NECAB2: variants seen among roughly 807,000 people sequenced by gnomAD.
NECAB2 encodes the protein N-terminal EF-hand calcium binding protein 2.
A neutral mutation model predicts 51.9 loss-of-function variants in NECAB2; 68 were observed. The ratio of observed to expected loss-of-function variants is 1.31; its 90% CI spans 1.08 to 1.60. NECAB2 has a LOEUF of 1.60. NECAB2 is among the 40% of genes most tolerant of loss of function. The pLI, the probability that NECAB2 is intolerant of heterozygous loss-of-function variation, is 0.00. For synonymous variants in NECAB2, 329 were observed against 203.5 expected (o/e 1.62, Z -5.25); for missense variants, 854 against 490.3 (o/e 1.74, Z -7.00).
chr16:83,975,867 G>C (rs1241065468), intron 2 of NECAB2, among the ~76,000 whole-genome samples: 1 of 152,190 alleles, frequency 6.6e-6, no homozygotes, highest in South Asian at 2.1e-4. Flanking sequence ...GCGCGGGCCC[G>C]CTTGGCCTGT....
At chr16:83,994,085 C>T (rs1597219511) in intron 6 of NECAB2, among the ~76,000 whole-genome samples, 1 of 152,310 alleles carries the variant, frequency 6.6e-6, no homozygotes, top group East Asian at 1.9e-4. Context: ...GAGCTGAATT[C>T]GAATCCCAGC....
Position 83,998,327 on chromosome 16 carries a change from C to T in NECAB2, c.962+10C>T, listed in dbSNP as rs766408955. ...TGAGGAACTGCTTCCAGTGAGTGAGCTGCCGAGGCGTGGGTGGGATGGTGG... is the reference window on the plus strand; with the variant it reads ...TGAGGAACTGCTTCCAGTGAGTGAGTTGCCGAGGCGTGGGTGGGATGGTGG... On this transcript the variant is annotated intron_variant, in intron 10 of 12. Transcript: ENST00000305202. 7.4e-6 allele frequency: 12 copies of T among 1,612,076 alleles called. No individual in the cohort carries two copies. The highest frequency in any genetic ancestry group is 6.7e-5 in the East Asian group (3 of 44,856).
chr16:83,974,445 C>G (rs1007501326), intron 2 of NECAB2, among the ~76,000 whole-genome samples: 1 of 152,174 alleles, frequency 6.6e-6, no homozygotes, highest in African/African-American at 2.4e-5. Flanking sequence ...AAATGGGAGT[C>G]CGCAGGTGTG....
chr16:83,993,328 C>T (rs1156407842), intron 6 of NECAB2: 1 of 152,210 alleles, frequency 6.6e-6, no homozygotes, highest in Non-Finnish European at 1.5e-5. Flanking sequence ...ACTCTGCCAG[C>T]CTCTCCCCTC....
In NECAB2 at chr16:83,997,219, C is replaced by G. The variant is rs2084717700; in HGVS notation, c.799C>G (p.Leu267Val). Reference protein sequence around the residue: ...ELIGRLESKALWFDLQQRLSD... With the variant: ...ELIGRLESKAVWFDLQQRLSD... ...ACTGTGTGCTGGATTGTTTCAGGCACTGTGGTTCGACCTGCAGCAGCGCCT... is the reference window on the plus strand; with the variant it reads ...ACTGTGTGCTGGATTGTTTCAGGCAGTGTGGTTCGACCTGCAGCAGCGCCT... Residue 267 changes from leucine (L) to valine (V), a missense_variant, in exon 9 of 13, where the codon CTG becomes GTG. Physicochemically the swap from Leu to Val is conservative, Grantham distance 32. Transcript: ENST00000305202. The G allele has an allele frequency of 8.7e-6, 14 of 1,614,160 alleles. No individual in the cohort carries two copies. The highest frequency in any genetic ancestry group is 1.1e-5 in the Non-Finnish European group (13 of 1,180,018).
At chr16:83,997,362 CTCCCTGCTT>C in intron 9 of NECAB2, 93 bp downstream of exon 9, 1 of 1,516,554 alleles carries the variant, frequency 6.6e-7, no homozygotes, top group Non-Finnish European at 9.1e-7. Context: ...TGACCCCGCT[CTCCCTGCTT>C]GGGACCACCA....
chr16:83,977,492 G>T (rs1475910201), intron 2 of NECAB2, among the ~76,000 whole-genome samples: 1 of 152,238 alleles, frequency 6.6e-6, no homozygotes, highest in East Asian at 1.9e-4. Context: ...AGGGCCAAAA[G>T]TGTCCCCAGA....
intron 8 of NECAB2, among the ~76,000 whole-genome samples, chr16:83,996,430 T>G (rs1185533349): frequency 6.6e-6 from 1 of 152,144 alleles, no homozygotes; most frequent in African/African-American, 2.4e-5. Context: ...CTACACAGAC[T>G]CATCCACCTG....
upstream of NECAB2, among the ~76,000 whole-genome samples, chr16:83,967,705 C>CGGATGGAT (rs60129536): frequency 0.022 from 1,670 of 77,224 alleles, 58 homozygotes; most frequent in African/African-American, 0.056. Context: ...GATGGATGGA[C>CGGATGGAT]GGATGGATGG....
intron 6 of NECAB2, 106 bp downstream of exon 6, chr16:83,990,736 C>T: frequency 2.0e-6 from 3 of 1,464,648 alleles, no homozygotes; most frequent in South Asian, 2.7e-5. Context: ...GCTGGGTGAC[C>T]TTGGGCAAGT....
intron 10 of NECAB2, among the ~76,000 whole-genome samples, chr16:84,000,054 T>TTTTA (rs200186926): frequency 8.2e-6 from 1 of 121,660 alleles, no homozygotes; most frequent in East Asian, 2.0e-4. Flanking sequence ...GCCCAGCAAG[T>TTTTA]TTTATTTTTT....
At chr16:83,998,641 G>C (rs573589713) in intron 10 of NECAB2, among the ~76,000 whole-genome samples, 1 of 152,166 alleles carries the variant, frequency 6.6e-6, no homozygotes, top group African/African-American at 2.4e-5. Flanking sequence ...AGCTGGGCCT[G>C]GTGTGCCCCG....
At chr16:83,998,081 G>T in intron 9 of NECAB2, 124 bp from the exon 10 acceptor site, 2 of 819,674 alleles carry the variant, frequency 2.4e-6, no homozygotes, top group South Asian at 1.7e-5. Flanking sequence ...TCATGGGTAA[G>T]AATGAAAAGT....
chr16:83,993,636 G>GTT lies in NECAB2; in HGVS notation c.597-665_597-664insTT, dbSNP rs1465976736. On this transcript the variant is annotated intron_variant, in intron 6 of 12. Coordinates refer to ENST00000305202, the MANE Select transcript of NECAB2 (RefSeq NM_019065.3). Reference sequence around the variant, plus strand: ...CAAGGTGAGCTGTGTGTGTGTGTGTGTGTGTGTGTGTGTGTGTGTGTGTGT... The same window carrying GTT: ...CAAGGTGAGCTGTGTGTGTGTGTGTGTTTGTGTGTGTGTGTGTGTGTGTGTGT... The GTT allele has an allele frequency of 2.5e-3, 389 of 153,742 alleles. 2 individuals are homozygous for GTT. Among genetic ancestry groups the GTT allele is most frequent in the African/African-American group, 9.2e-3 (373 of 40,492 alleles). 9.5% of individuals were successfully genotyped at this position (153,742 alleles called of 1,614,324 possible).
intron 5 of NECAB2, among the ~76,000 whole-genome samples, chr16:83,987,227 A>G (rs964969569): frequency 1.3e-5 from 2 of 152,220 alleles, no homozygotes; most frequent in African/African-American, 4.8e-5. Flanking sequence ...TGCCCATTTC[A>G]GAGACTTTGA....
At chr16:83,987,758 A>G (rs1246882003) in intron 5 of NECAB2, among the ~76,000 whole-genome samples, 2 of 152,190 alleles carry the variant, frequency 1.3e-5, no homozygotes. Context: ...CTTGTGGCAA[A>G]CATAGTTGTC....
At chr16:83,991,343 T>C (rs182588451) in intron 6 of NECAB2, among the ~76,000 whole-genome samples, 1 of 151,592 alleles carries the variant, frequency 6.6e-6, no homozygotes, top group African/African-American at 2.4e-5. Context: ...CTTTTTTCTT[T>C]TTCTATTTCC....
intron 5 of NECAB2, among the ~76,000 whole-genome samples, chr16:83,985,083 C>T (rs925290682): frequency 1.3e-5 from 2 of 151,974 alleles, no homozygotes; most frequent in East Asian, 1.9e-4. Context: ...GAGGCCGGGG[C>T]GGGCAGATCA....
chr16:84,000,171 C>T lies in NECAB2; in HGVS notation c.963-553C>T, dbSNP rs568825736. Among the ~76,000 whole-genome samples the T allele has an allele frequency of 1.9e-3, 288 of 152,218 alleles. 2 individuals are homozygous for T. In the Middle Eastern group the frequency reaches 0.044, roughly 23 times the overall value. On this transcript the variant is annotated intron_variant, in intron 10 of 12. Coordinates refer to ENST00000305202, the MANE Select transcript of NECAB2 (RefSeq NM_019065.3). ...CCCCTCAAGACTTCCCAAAGTTCTG[C>T]GATTACAGGCGTGAACCATCACATC...
Sources: allele counts gnomAD v4.1 joint callset (sites outside exome capture counted in the v4.1 genomes callset), GRCh38; gene constraint gnomAD v4.1.1; transcripts MANE v1.5; gene names NCBI Gene and HGNC (gene_info 2026-07-23, HGNC 2026-07-21).